Variants in CNTN6 observed in about 807,000 individuals in gnomAD.
CNTN6 encodes the protein contactin-6.
A neutral mutation model predicts 122.8 loss-of-function variants in CNTN6; 137 were observed. The ratio of observed to expected loss-of-function variants is 1.12; its 90% CI spans 0.97 to 1.29. The LOEUF (loss-of-function observed/expected upper bound fraction) is 1.29. Ranked by LOEUF, CNTN6 falls within the 50% of genes most tolerant of loss-of-function variation. The pLI is 0.00. For missense variants in CNTN6, 1,634 were observed against 1,223.4 expected, an observed-to-expected ratio of 1.34 and a Z score of -5.01; for synonymous variants, 570 against 426.0, an observed-to-expected ratio of 1.34 and a Z score of -4.16.
chr3:1,251,553 A>G (rs942244057), intron 4 of CNTN6, among the ~76,000 whole-genome samples: 3 of 152,194 alleles, frequency 2.0e-5, no homozygotes, highest in Non-Finnish European at 2.9e-5. Context: ...AATCTAAGCC[A>G]TGATGAAATC....
At chr3:1,239,334 A>T (rs1374062373) in intron 4 of CNTN6, among the ~76,000 whole-genome samples, 2 of 152,208 alleles carry the variant, frequency 1.3e-5, no homozygotes. Context: ...CCAGATACAA[A>T]ATTAAAGTAC....
chr3:1,317,913 A>G (rs931918418), intron 7 of CNTN6, among the ~76,000 whole-genome samples: 4 of 151,046 alleles, frequency 2.6e-5, no homozygotes, highest in African/African-American at 9.7e-5. Context: ...AAGCAAACAC[A>G]TGTCCTCTGC....
chr3:1,132,264 A>C (rs985250378), intron 1 of CNTN6, among the ~76,000 whole-genome samples: 10 of 152,148 alleles, frequency 6.6e-5, no homozygotes, highest in African/African-American at 2.4e-4. Flanking sequence ...GCAACCAATA[A>C]GCCAAAAATG....
intron 5 of CNTN6, among the ~76,000 whole-genome samples, chr3:1,281,523 G>T (rs1365675318): frequency 1.4e-5 from 2 of 147,784 alleles, no homozygotes; most frequent in East Asian, 4.0e-4. Context: ...GGAGTGCAGT[G>T]GCCCCATCTC....
At chr3:1,153,409 C>G (rs2125198036) in intron 2 of CNTN6, among the ~76,000 whole-genome samples, 1 of 152,236 alleles carries the variant, frequency 6.6e-6, no homozygotes, top group East Asian at 1.9e-4. Context: ...TTGCAGCCAT[C>G]ATTTTTATGT....
At chr3:1,272,990 T>A (rs2095051073) in intron 4 of CNTN6, among the ~76,000 whole-genome samples, 1 of 152,222 alleles carries the variant, frequency 6.6e-6, no homozygotes. Flanking sequence ...CAGTAATTCT[T>A]TAAAGCTCAT....
intron 5 of CNTN6, among the ~76,000 whole-genome samples, chr3:1,287,307 T>C: frequency 6.6e-6 from 1 of 152,208 alleles, no homozygotes; most frequent in East Asian, 1.9e-4. Context: ...TTTTACTTAC[T>C]AGATGCCAAT....
At chr3:1,276,335 C>G (rs189198561) in intron 4 of CNTN6, among the ~76,000 whole-genome samples, 7 of 152,102 alleles carry the variant, frequency 4.6e-5, no homozygotes, top group African/African-American at 1.7e-4. Flanking sequence ...AAGAATGTTC[C>G]GAGTCAAACC....
chr3:1,326,714 C>A (rs1228873748), intron 9 of CNTN6, among the ~76,000 whole-genome samples: 2 of 151,872 alleles, frequency 1.3e-5, no homozygotes, highest in South Asian at 4.1e-4. Flanking sequence ...CAAAGAACAT[C>A]TGTTGTTTGG....
At chr3:1,140,846 C>T (rs1052325295) in intron 1 of CNTN6, among the ~76,000 whole-genome samples, 3 of 152,198 alleles carry the variant, frequency 2.0e-5, no homozygotes, top group South Asian at 2.1e-4. Context: ...ACATTAAACA[C>T]GCTGTGTTAC....
intron 12 of CNTN6, among the ~76,000 whole-genome samples, chr3:1,365,908 T>C (rs770015826): frequency 6.6e-6 from 1 of 152,168 alleles, no homozygotes; most frequent in Non-Finnish European, 1.5e-5. Context: ...AAATCCACAG[T>C]ATTAGAGAAT....
intron 12 of CNTN6, among the ~76,000 whole-genome samples, chr3:1,367,704 G>T (rs1009407203): frequency 1.2e-4 from 18 of 152,118 alleles, no homozygotes; most frequent in Admixed American, 3.9e-4. Context: ...CAGTTGGTGT[G>T]GTGTGCAGGT....
chr3:1,288,380 A>G (rs550147958), intron 5 of CNTN6, among the ~76,000 whole-genome samples: 8 of 152,318 alleles, frequency 5.3e-5, no homozygotes, highest in African/African-American at 1.9e-4. Flanking sequence ...TCCTCAGCCT[A>G]ATATCAATGA....
At chr3:1,209,811 CTTTT>C (rs2094009510) in intron 2 of CNTN6, among the ~76,000 whole-genome samples, 1 of 152,120 alleles carries the variant, frequency 6.6e-6, no homozygotes, top group Non-Finnish European at 1.5e-5. Context: ...AAGCATTCCT[CTTTT>C]CTTTATTCCT....
intron 1 of CNTN6, among the ~76,000 whole-genome samples, chr3:1,112,788 AGT>A (rs1297501666): frequency 6.6e-6 from 1 of 152,148 alleles, no homozygotes; most frequent in East Asian, 1.9e-4. Context: ...ACTGAAATAT[AGT>A]GTGTGAACCA....
At chr3:1,385,388 C>G (rs1286686514) in intron 19 of CNTN6, among the ~76,000 whole-genome samples, 1 of 152,174 alleles carries the variant, frequency 6.6e-6, no homozygotes, top group Non-Finnish European at 1.5e-5. Flanking sequence ...ATCACGTTCT[C>G]TAATTTCCAT....
At chr3:1,243,708 T>G (rs1387541583) in intron 4 of CNTN6, among the ~76,000 whole-genome samples, 1 of 152,140 alleles carries the variant, frequency 6.6e-6, no homozygotes, top group East Asian at 1.9e-4. Context: ...AGCCACCTTT[T>G]AAAGAGTAAA....
At chr3:1,303,108 T>C (rs1228519373) in intron 7 of CNTN6, among the ~76,000 whole-genome samples, 2 of 152,150 alleles carry the variant, frequency 1.3e-5, no homozygotes, top group African/African-American at 4.8e-5. Flanking sequence ...TTTGATCCTT[T>C]CTTAGAGTTT....
chr3:1,098,195 C>G (rs1055612417), intron 1 of CNTN6, among the ~76,000 whole-genome samples: 3 of 151,668 alleles, frequency 2.0e-5, no homozygotes, highest in Non-Finnish European at 2.9e-5. Context: ...TGTAACTAAC[C>G]TGCACATTGT....
Sources: gnomAD v4.1 joint callset for allele counts (sites outside exome capture counted in the v4.1 genomes callset) on GRCh38, gnomAD v4.1.1 for gene constraint, MANE v1.5 for transcripts, NCBI Gene and HGNC (gene_info 2026-07-23, HGNC 2026-07-21) for gene names.